The following PLCD3 variants were observed in gnomAD, a reference collection of about 807,000 sequenced individuals.
PLCD3 encodes the protein phospholipase C delta 3, also known as 1-phosphatidylinositol 4,5-bisphosphate phosphodiesterase delta-3.
A neutral mutation model predicts 82.8 loss-of-function variants in PLCD3; 62 were observed. The observed-to-expected ratio is 0.75, with a 90% CI of 0.61 to 0.93. The LOEUF (loss-of-function observed/expected upper bound fraction) is 0.93. Among genes scored for constraint, PLCD3 ranks in the 40% least tolerant of loss-of-function variants. The pLI is 0.00. For missense variants in PLCD3, 1,023 were observed against 1,103.4 expected (o/e 0.93, Z 1.03); for synonymous variants, 478 against 471.8 (o/e 1.01, Z -0.17).
At position 45,121,435 on chromosome 17, in the gene PLCD3, C is replaced by T. The variant is rs551700269; in HGVS notation, c.164-63G>A. On this transcript the variant is annotated intron_variant, in intron 1 of 14. Coordinates refer to ENST00000619929, the MANE Select transcript of PLCD3 (RefSeq NM_133373.5). ...CTGCCCAGAGGCTCCCCTGCCCTCCCCCGCTAGGACCTGCTGCCCCATCCT... is the reference window on the plus strand; with the variant it reads ...CTGCCCAGAGGCTCCCCTGCCCTCCTCCGCTAGGACCTGCTGCCCCATCCT... 1.0e-4 allele frequency: 143 copies of T among 1,426,978 alleles called. No homozygotes were observed. In the African/African-American group the frequency reaches 1.8e-3, roughly 18 times the overall value. 88.4% of individuals were successfully genotyped at this position (1,426,978 alleles called of 1,614,324 possible).
In PLCD3 at chr17:45,113,590, T is replaced by C. The variant is rs372977919; in HGVS notation, c.1844A>G (p.Gln615Arg). The change falls in exon 12 of 15, where the codon CAG becomes CGG. Residue 615 changes from glutamine (Q) to arginine (R), a missense_variant. Gln to Arg is a conservative substitution (Grantham distance 43). This residue lies in a region of PLCD3 where 553 missense variants were observed against 655.7 expected (regional missense o/e 0.84). Coordinates refer to ENST00000619929, the MANE Select transcript of PLCD3 (RefSeq NM_133373.5). ...GAGGTCCATCTCGTAGCCTGGCGTC[T>C]GGAAGTTCAAGGCCACTGTGGACAC... ...SGCQLVALNF[Q>R]TPGYEMDLNA... 1.2e-5 allele frequency: 18 copies of C among 1,555,766 alleles called. No individual in the cohort carries two copies. The highest frequency in any genetic ancestry group is 1.5e-5 in the Non-Finnish European group (17 of 1,149,614).
In PLCD3 at chr17:45,118,395, C is replaced by CG. The variant is rs1198234583; in HGVS notation, c.1010_1011insC (p.Gln337HisfsTer22). On this transcript the variant is annotated frameshift_variant, in exon 6 of 15. Transcript: ENST00000619929. LOFTEE classifies it high-confidence loss of function. This position sits in a 1 kb window ranked among gnomAD's most constrained non-coding sequence, Gnocchi z 4.1. ...AGTGGGCAAGGGGCTGGTTCATGTC[C>CG]TGGAACACACACGTGTGGGTGTTGT... 6.2e-7 allele frequency: 1 copy of CG among 1,614,040 alleles called. No individual in the cohort carries two copies. Among genetic ancestry groups the CG allele is most frequent in the Non-Finnish European group, 8.5e-7 (1 of 1,179,882 alleles).
At chr17:45,123,573 G>T (rs2054358100) in intron 1 of PLCD3, among the ~76,000 whole-genome samples, 1 of 152,152 alleles carries the variant, frequency 6.6e-6, no homozygotes, top group Admixed American at 6.5e-5. Context: ...CAGGGCAGAG[G>T]CCTCGCAGGT....
At chr17:45,131,638 C>G (rs1299027294) in intron 1 of PLCD3, among the ~76,000 whole-genome samples, 2 of 152,248 alleles carry the variant, frequency 1.3e-5, no homozygotes, top group East Asian at 1.9e-4. Flanking sequence ...TGTAACCCAC[C>G]CAGTGCCAGC....
At position 45,112,496 on chromosome 17, in the gene PLCD3, T is replaced by C. The variant is rs1598025717; in HGVS notation, c.*120A>G. 7 of 1,115,170 alleles carry C rather than the reference T, an allele frequency of 6.3e-6. No homozygotes were observed. 69.1% of individuals were successfully genotyped at this position (1,115,170 alleles called of 1,614,324 possible). A position where few individuals can be genotyped will look rare whatever the true frequency, so the allele number is the denominator to read the frequency against. ...ACCAGCGCCTGGTGAATGGGCTGAG[T>C]GGGCCAAGTGGGTGGGCTGGGGGGC... On this transcript the variant is annotated 3_prime_UTR_variant, in exon 15 of 15. Coordinates refer to ENST00000619929, the MANE Select transcript of PLCD3 (RefSeq NM_133373.5).
Position 45,121,039 on chromosome 17 carries a change from G to A in PLCD3, c.417C>T (p.Leu139=), listed in dbSNP as rs1433743480. Residue 139 remains leucine (L), a synonymous_variant, in exon 3 of 15, where the codon CTC becomes CTT. Transcript: ENST00000619929. ...FGGAFAPARC[L]TIAFKGRRKN... is the part of the protein sequence containing the mutation. The stretch of plus-strand genomic sequence containing the variant: ...TGCGGCGGCCCTTGAAGGCGATGGT[G>A]AGGCAGCGCGCTGGCGCGAAGGCAC... 1 of 1,540,282 alleles carries A rather than the reference G, an allele frequency of 6.5e-7. No homozygotes were observed. The highest frequency in any genetic ancestry group is 8.7e-7 in the Non-Finnish European group (1 of 1,150,704).
rs764237751 is a variant in PLCD3 at position 45,113,260 on chromosome 17, G to A, written c.1996-3C>T. The A allele has an allele frequency of 3.7e-6, 6 of 1,602,988 alleles. No individual in the cohort carries two copies. The highest frequency in any genetic ancestry group is 3.4e-6 in the Non-Finnish European group (4 of 1,175,310). ...GGCAGCTGCTGTGCAGTCAGCACCT[G>A]TGGGTGAGGGAGGGAGTGGCTGGGG... On this transcript the variant is annotated splice_region_variant and splice_polypyrimidine_tract_variant and intron_variant, in intron 12 of 14. Coordinates refer to ENST00000619929, the MANE Select transcript of PLCD3 (RefSeq NM_133373.5).
intron 1 of PLCD3, among the ~76,000 whole-genome samples, chr17:45,127,891 G>A (rs902543753): frequency 6.6e-6 from 1 of 152,072 alleles, no homozygotes; most frequent in African/African-American, 2.4e-5. Context: ...TAGGCGGCTC[G>A]CACTCGGGAG....
Position 45,112,889 on chromosome 17 carries a change from G to A in PLCD3, c.2255C>T (p.Thr752Ile), listed in dbSNP as rs780065775. ...TTGCTTTAGGCTGCTAAGAGGCAGT[G>A]TAAACTGGCCCACAAAGTCATTGGG... ...TSPNDFVGQF[T>I]LPLSSLKQGY... Residue 752 changes from threonine (T) to isoleucine (I), a missense_variant, in exon 14 of 15, where the codon ACA (threonine) becomes ATA (isoleucine). By Grantham distance (89) the Thr-to-Ile change is moderately conservative. This residue lies in a region of PLCD3 where 553 missense variants were observed against 655.7 expected (regional missense o/e 0.84). Transcript: ENST00000619929. 2 of 1,612,378 alleles carry A rather than the reference G, an allele frequency of 1.2e-6. No homozygotes were observed. The highest frequency in any genetic ancestry group is 1.7e-5 in the Admixed American group (1 of 59,752).
At position 45,115,168 on chromosome 17, in the gene PLCD3, G is replaced by A. The variant is rs1480513201; in HGVS notation, c.1637C>T (p.Ala546Val). Reference sequence around the variant, plus strand: ...CTGGCAGGGTTGTGGGGCGTTGGGGGCAGGGTGCAGGGTCCGCAGGCGGGT... The same window carrying A: ...CTGGCAGGGTTGTGGGGCGTTGGGGACAGGGTGCAGGGTCCGCAGGCGGGT... ...HATRLRTLHP[A>V]PNAPQPCQVS... Residue 546 changes from alanine to valine, a missense_variant, in exon 10 of 15, where the codon GCC becomes GTC. Ala to Val is a moderately conservative substitution (Grantham distance 64). Around this residue, in one of 3 missense-constraint regions of PLCD3, gnomAD observed 553 missense variants for 655.7 expected, o/e 0.84. Coordinates refer to ENST00000619929, the MANE Select transcript of PLCD3 (RefSeq NM_133373.5). 5 of 1,595,268 alleles carry A rather than the reference G, an allele frequency of 3.1e-6. No homozygotes were observed. Among genetic ancestry groups the A allele is most frequent in the Non-Finnish European group, 4.3e-6 (5 of 1,171,144 alleles).
chr17:45,124,717 C>T (rs1238504151), intron 1 of PLCD3, among the ~76,000 whole-genome samples: 1 of 152,284 alleles, frequency 6.6e-6, no homozygotes, highest in African/African-American at 2.4e-5. Flanking sequence ...TCGCCTTGAC[C>T]TTGTTCCTAC....
At chr17:45,122,227 C>T (rs1598033819) in intron 1 of PLCD3, among the ~76,000 whole-genome samples, 1 of 152,002 alleles carries the variant, frequency 6.6e-6, no homozygotes, top group African/African-American at 2.4e-5. Context: ...AGCTGATCTC[C>T]AGGCATGGGA....
chr17:45,114,477 C>T (rs1042728382), intron 10 of PLCD3, 111 bp from the exon 11 acceptor site: 3 of 768,920 alleles, frequency 3.9e-6, no homozygotes, highest in Admixed American at 3.3e-5. Context: ...GGTCACCCTG[C>T]CCCCGCTCCT....
rs774723015 is a variant in PLCD3, at chr17:45,118,467, C to T, written c.939G>A (p.Leu313=). 1.9e-6 allele frequency: 3 copies of T among 1,613,966 alleles called. No individual in the cohort carries two copies. The highest frequency in any genetic ancestry group is 4.5e-5 in the East Asian group (2 of 44,882). Residue 313 remains leucine, a synonymous_variant, in exon 6 of 15, where the codon CTG becomes CTA. Transcript: ENST00000619929. This position sits in a 1 kb window ranked among gnomAD's most constrained non-coding sequence, Gnocchi z 4.1. The part of the protein sequence containing the change: ...ETAKQHELMT[L]DGFMMYLLSP... ...ACAACAGGTACATCATGAAGCCATC[C>T]AGTGTCATCAGCTCATGCTGCTTGG...
In PLCD3 at chr17:45,121,212, G is replaced by A; in HGVS notation, c.324C>T (p.Ile108=). The A allele has an allele frequency of 6.3e-7, 1 of 1,583,402 alleles. No homozygotes were observed. Among genetic ancestry groups the A allele is most frequent in the African/African-American group, 1.3e-5 (1 of 74,346 alleles). The part of the protein sequence containing the change: ...RRIPRAPSQH[I]FFVQHIEAVR... Reference sequence around the variant, plus strand: ...GCCCGGCGCTCCCCGGCCTCTCACAGATGTGCTGCGATGGCGCACGCGGGA... The same window carrying A: ...GCCCGGCGCTCCCCGGCCTCTCACAAATGTGCTGCGATGGCGCACGCGGGA... Residue 108 remains isoleucine, a splice_region_variant and synonymous_variant, in exon 2 of 15, where the codon ATC becomes ATT. Coordinates refer to ENST00000619929, the MANE Select transcript of PLCD3 (RefSeq NM_133373.5).
chr17:45,132,208 C>T lies in PLCD3; in HGVS notation c.163+40G>A. The T allele has an allele frequency of 8.0e-7, 1 of 1,246,426 alleles. No individual in the cohort carries two copies. Among genetic ancestry groups the T allele is most frequent in the Non-Finnish European group, 1.0e-6 (1 of 994,684 alleles). The allele number at this position is 1,246,426 out of a possible 1,614,324, so 77.2% of individuals were successfully genotyped here. A position where few individuals can be genotyped will look rare whatever the true frequency, so the allele number is the denominator to read the frequency against. ...GCGCCCCAGACTGGGCCTCTGGGAA[C>T]GGTCCGCGCCCACCCCACCGCCCCT... is the stretch of plus-strand genomic sequence containing the variant. On this transcript the variant is annotated intron_variant, in intron 1 of 14. Coordinates refer to ENST00000619929, the MANE Select transcript of PLCD3 (RefSeq NM_133373.5). The surrounding 1 kb of genome is among the most constrained non-coding windows in gnomAD (Gnocchi z 4.6).
intron 8 of PLCD3, 102 bp from the exon 9 acceptor site, chr17:45,115,592 G>A (rs766519579): frequency 1.3e-5 from 14 of 1,078,396 alleles, no homozygotes; most frequent in Non-Finnish European, 1.9e-5. Flanking sequence ...GCTGGCTAGG[G>A]GTGGGAGGCA....
rs1263103143 is a variant in PLCD3 at position 45,120,974 on chromosome 17, T to G, written c.482A>C (p.Gln161Pro). The G allele has an allele frequency of 1.1e-5, 17 of 1,527,206 alleles. No homozygotes were observed. Among genetic ancestry groups the G allele is most frequent in the Admixed American group, 2.0e-5 (1 of 49,416 alleles). The allele number at this position is 1,527,206 out of a possible 1,614,324, so 94.6% of individuals were successfully genotyped here. A position where few individuals can be genotyped will look rare whatever the true frequency, so the allele number is the denominator to read the frequency against. ...CTTGGTCAGACCGCGCACCCAGCGC[T>G]GCGCTTCCTCAGCCGTGGGCGCCGC... ...DLAAPTAEEA[Q>P]RWVRGLTKLR... Residue 161 changes from glutamine to proline, a missense_variant, in exon 3 of 15, where the codon CAG becomes CCG. Around this residue, in one of 3 missense-constraint regions of PLCD3, gnomAD observed 448 missense variants for 406.3 expected, o/e 1.10. Transcript: ENST00000619929.
chr17:45,129,545 G>A lies in PLCD3; in HGVS notation c.163+2703C>T, dbSNP rs112162489. ...ATGGAAAACTAGGCTCTGGCAGCAG[G>A]CAGGCATGTGGCCTTGGGCGGTGAT... On this transcript the variant is annotated intron_variant, in intron 1 of 14. Coordinates refer to ENST00000619929, the MANE Select transcript of PLCD3 (RefSeq NM_133373.5). 2.8e-3 allele frequency among the ~76,000 whole-genome samples: 431 copies of A among 152,346 alleles called. 2 individuals are homozygous for A. Among genetic ancestry groups the A allele is most frequent in the African/African-American group, 9.9e-3 (411 of 41,574 alleles).
Sources: gnomAD v4.1 joint callset for allele counts (sites outside exome capture counted in the v4.1 genomes callset) on GRCh38, gnomAD v4.1.1 for gene constraint, gnomAD v4.1.1 regional missense constraint, Gnocchi (gnomAD v3.1) non-coding constraint, MANE v1.5 for transcripts, NCBI Gene and HGNC (gene_info 2026-07-23, HGNC 2026-07-21) for gene names.